CUX1: variants seen among roughly 807,000 people sequenced by gnomAD.
The protein encoded by CUX1 is cut like homeobox 1.
CUX1 carries 31 observed loss-of-function variants against 158.8 expected under a neutral mutation model. The ratio of observed to expected loss-of-function variants is 0.20; its 90% CI spans 0.15 to 0.26. The LOEUF (loss-of-function observed/expected upper bound fraction) is 0.26. CUX1 is among the 10% of genes least tolerant of loss of function. The pLI, the probability that CUX1 is intolerant of heterozygous loss-of-function variation, is 1.00. For synonymous variants in CUX1, 879 were observed against 862.1 expected (o/e 1.02, Z -0.34); for missense variants, 1,589 against 2,014.6 (o/e 0.79, Z 4.04).
At chr7:102,166,105 G>A (rs1183576769) in intron 9 of CUX1, among the ~76,000 whole-genome samples, 1 of 152,184 alleles carries the variant, frequency 6.6e-6, no homozygotes, top group Non-Finnish European at 1.5e-5. Flanking sequence ...GGACCTTCGT[G>A]ACAATGTCCT....
chr7:101,847,366 G>A (rs150159296), intron 1 of CUX1, among the ~76,000 whole-genome samples: 46 of 152,226 alleles, frequency 3.0e-4, no homozygotes, highest in Admixed American at 7.9e-4. Flanking sequence ...CATGTTTGGC[G>A]GCACCTGATC....
chr7:102,202,266 A>C (rs1455242731), intron 18 of CUX1, 62 bp downstream of exon 18: 1 of 1,535,790 alleles, frequency 6.5e-7, no homozygotes, highest in Non-Finnish European at 8.8e-7. Context: ...AGGACCAAGT[A>C]TCTATCCCGC....
intron 1 of CUX1, among the ~76,000 whole-genome samples, chr7:101,848,516 C>T (rs1795943556): frequency 6.6e-6 from 1 of 152,066 alleles, no homozygotes; most frequent in South Asian, 2.1e-4. Flanking sequence ...GGCGAGGGAT[C>T]TTGATTCTTA....
At chr7:101,989,228 C>T (rs1814763471) in intron 2 of CUX1, among the ~76,000 whole-genome samples, 1 of 152,160 alleles carries the variant, frequency 6.6e-6, no homozygotes, top group Non-Finnish European at 1.5e-5. Flanking sequence ...CGTCCTCCAC[C>T]CAGCTGCAGA....
chr7:101,998,482 C>T (rs1400794308), intron 2 of CUX1, among the ~76,000 whole-genome samples: 2 of 152,226 alleles, frequency 1.3e-5, no homozygotes, highest in East Asian at 3.9e-4. Context: ...CCGGGCGGTG[C>T]CCCCAGCCAT....
In CUX1 at chr7:102,248,345, G is replaced by T. The variant is rs978445301; in HGVS notation, c.3888-67G>T. The T allele has an allele frequency of 1.4e-6, 2 of 1,422,538 alleles. No individual in the cohort carries two copies. The highest frequency in any genetic ancestry group is 9.5e-7 in the Non-Finnish European group (1 of 1,057,474). 88.1% of individuals were successfully genotyped at this position (1,422,538 alleles called of 1,614,324 possible). A position where few individuals can be genotyped will look rare whatever the true frequency, so the allele number is the denominator to read the frequency against. On this transcript the variant is annotated intron_variant, in intron 23 of 23. Coordinates refer to ENST00000292535, the MANE Select transcript of CUX1 (RefSeq NM_181552.4). This position sits in a 1 kb window ranked among gnomAD's most constrained non-coding sequence, Gnocchi z 5.8. ...AGCCCCAGAGAGAGGGGTCTGGCTG[G>T]GGTAGCACCAGAGGCCCTTTCCCCA...
At chr7:101,843,280 T>C (rs551630628) in intron 1 of CUX1, among the ~76,000 whole-genome samples, 2 of 152,342 alleles carry the variant, frequency 1.3e-5, no homozygotes, top group Admixed American at 1.3e-4. Context: ...TGCAGATCTG[T>C]GATGTAAGAT....
At chr7:102,027,758 A>G (rs563443637) in intron 2 of CUX1, among the ~76,000 whole-genome samples, 8 of 152,178 alleles carry the variant, frequency 5.3e-5, no homozygotes, top group Non-Finnish European at 1.2e-4. Flanking sequence ...GCTACTTGGT[A>G]GGCTGAGGTG....
At chr7:101,949,376 C>T (rs934052947) in intron 2 of CUX1, among the ~76,000 whole-genome samples, 4 of 152,014 alleles carry the variant, frequency 2.6e-5, no homozygotes, top group African/African-American at 4.8e-5. Context: ...GTGATCCGCC[C>T]GCCTAGGCCT....
chr7:102,034,097 G>A (rs1319458493), intron 3 of CUX1, among the ~76,000 whole-genome samples: 1 of 118,418 alleles, frequency 8.4e-6, no homozygotes, highest in Non-Finnish European at 1.6e-5. Context: ...GGTGAGCTGA[G>A]ATCATGCCAC....
intron 1 of CUX1, among the ~76,000 whole-genome samples, chr7:101,890,042 C>T (rs917017516): frequency 6.6e-6 from 1 of 152,102 alleles, no homozygotes; most frequent in Non-Finnish European, 1.5e-5. Flanking sequence ...TGGTGGGGTG[C>T]CCCCGGGGAT....
intron 3 of CUX1, among the ~76,000 whole-genome samples, chr7:102,034,359 A>C (rs1821169159): frequency 6.6e-6 from 1 of 152,052 alleles, no homozygotes; most frequent in South Asian, 2.1e-4. Context: ...TTTTGATAAA[A>C]TTTAAATCCA....
rs905925591 is a variant in CUX1 at position 102,002,859 on chromosome 7, A to G, written c.142-25239A>G. 5.9e-5 allele frequency among the ~76,000 whole-genome samples: 9 copies of G among 152,054 alleles called. No individual in the cohort carries two copies. The South Asian group carries it at 8.3e-4, about 14-fold the overall frequency. On this transcript the variant is annotated intron_variant, in intron 2 of 23. Coordinates refer to ENST00000292535, the MANE Select transcript of CUX1 (RefSeq NM_181552.4). ...GAAGCCTTCCAGTCCTTGGAAGGGG[A>G]ATCTTTGCTGCTGCTACTGTCTGCA...
chr7:102,216,869 TCACA>T (rs1220233286), intron 20 of CUX1, among the ~76,000 whole-genome samples: 7 of 112,374 alleles, frequency 6.2e-5, no homozygotes, highest in African/African-American at 1.6e-4. Context: ...ACACATTCTC[TCACA>T]CACACATTAT....
At chr7:102,041,201 C>T (rs1822038094) in intron 3 of CUX1, among the ~76,000 whole-genome samples, 1 of 145,680 alleles carries the variant, frequency 6.9e-6, no homozygotes. Flanking sequence ...GAGGTTGAAA[C>T]AGGAGAATTG....
chr7:102,228,865 C>T (rs1440443100), intron 21 of CUX1, among the ~76,000 whole-genome samples: 2 of 152,172 alleles, frequency 1.3e-5, no homozygotes, highest in East Asian at 3.9e-4. Context: ...GGGCAGCGTC[C>T]ACCCGGCAGT....
intron 2 of CUX1, among the ~76,000 whole-genome samples, chr7:101,927,922 C>T (rs1452867736): frequency 6.6e-6 from 1 of 152,232 alleles, no homozygotes; most frequent in East Asian, 1.9e-4. Context: ...TGCTTTCCTT[C>T]CGGGAGCATC....
At chr7:102,190,604 G>A (rs975624281) in intron 12 of CUX1, among the ~76,000 whole-genome samples, 1 of 152,130 alleles carries the variant, frequency 6.6e-6, no homozygotes. Context: ...TGGCATGCCC[G>A]CCTCACTCCT....
At chr7:101,823,979 C>A (rs1482055841) in intron 1 of CUX1, among the ~76,000 whole-genome samples, 1 of 152,214 alleles carries the variant, frequency 6.6e-6, no homozygotes, top group Non-Finnish European at 1.5e-5. Flanking sequence ...CATTTCCCCC[C>A]AAAAGCAAGA....
Sources: allele counts gnomAD v4.1 joint callset (sites outside exome capture counted in the v4.1 genomes callset), GRCh38; gene constraint gnomAD v4.1.1; non-coding constraint Gnocchi (gnomAD v3.1); transcripts MANE v1.5; gene names NCBI Gene and HGNC (gene_info 2026-07-23, HGNC 2026-07-21).